VPS13B: variants seen among roughly 807,000 people sequenced by gnomAD.
The protein encoded by VPS13B is vacuolar protein sorting 13 homolog B.
A neutral mutation model predicts 426.4 loss-of-function variants in VPS13B; 285 were observed. The ratio of observed to expected loss-of-function variants is 0.67; its 90% CI spans 0.61 to 0.74. The LOEUF is 0.74. Ranked by LOEUF, VPS13B falls within the 30% of genes least tolerant of loss-of-function variation. The pLI is 0.00. For missense variants in VPS13B, 4,537 were observed against 4,782.6 expected, an observed-to-expected ratio of 0.95 and a Z score of 1.51; for synonymous variants, 1,676 against 1,676.4, an observed-to-expected ratio of 1.00 and a Z score of 0.01.
chr8:99,467,293 T>G, intron 23 of VPS13B, 121 bp from the exon 24 acceptor site: 1 of 1,060,236 alleles, frequency 9.4e-7, no homozygotes, highest in African/African-American at 1.6e-5. Context: ...GAATACTATA[T>G]TCACTTTTTA....
intron 30 of VPS13B, among the ~76,000 whole-genome samples, chr8:99,536,226 G>C (rs1823214002): frequency 6.6e-6 from 1 of 152,134 alleles, no homozygotes; most frequent in Non-Finnish European, 1.5e-5. Flanking sequence ...TGGGATTACA[G>C]ATGCCAGCCA....
chr8:99,425,670 C>T (rs1588363091), intron 21 of VPS13B, among the ~76,000 whole-genome samples: 1 of 152,142 alleles, frequency 6.6e-6, no homozygotes, highest in Non-Finnish European at 1.5e-5. Context: ...CAGGGATGCC[C>T]TCTCTCACCA....
At chr8:99,103,639 A>G (rs1846884546) in intron 5 of VPS13B, among the ~76,000 whole-genome samples, 1 of 151,810 alleles carries the variant, frequency 6.6e-6, no homozygotes, top group Admixed American at 6.6e-5. Flanking sequence ...AGCTGGGACT[A>G]CAGGCACCTG....
At chr8:99,789,342 TGG>T in intron 43 of VPS13B, among the ~76,000 whole-genome samples, 1 of 152,166 alleles carries the variant, frequency 6.6e-6, no homozygotes. Flanking sequence ...AAAGCCGACT[TGG>T]GGGACAAAGA....
At chr8:99,269,143 A>G (rs1370956642) in intron 17 of VPS13B, among the ~76,000 whole-genome samples, 2 of 152,172 alleles carry the variant, frequency 1.3e-5, no homozygotes, top group African/African-American at 4.8e-5. Flanking sequence ...TAAATTACCC[A>G]GTCTCGAGTA....
intron 39 of VPS13B, among the ~76,000 whole-genome samples, chr8:99,746,678 G>A (rs1224874459): frequency 6.6e-6 from 1 of 152,120 alleles, no homozygotes; most frequent in Non-Finnish European, 1.5e-5. Context: ...CAGTTCTGCA[G>A]GTTTGGAGGG....
At chr8:99,760,933 T>G (rs1588690445) in intron 39 of VPS13B, among the ~76,000 whole-genome samples, 1 of 152,222 alleles carries the variant, frequency 6.6e-6, no homozygotes, top group African/African-American at 2.4e-5. Flanking sequence ...GCATAGGTTA[T>G]ATGCAAATAC....
chr8:99,600,735 G>A (rs1444009047), intron 33 of VPS13B, among the ~76,000 whole-genome samples: 2 of 152,156 alleles, frequency 1.3e-5, no homozygotes, highest in African/African-American at 2.4e-5. Flanking sequence ...GAAGCAGAGC[G>A]AGTGCTGGAG....
At chr8:99,751,983 G>T (rs113228087) in intron 39 of VPS13B, among the ~76,000 whole-genome samples, 4,947 of 152,180 alleles carry the variant, frequency 0.033, 115 homozygotes, top group Non-Finnish European at 0.047. Context: ...CAGTAAGCCT[G>T]CCTGCCCTTT....
intron 31 of VPS13B, among the ~76,000 whole-genome samples, chr8:99,574,987 G>T (rs10955218): frequency 0.17 from 26,490 of 151,976 alleles, 2,822 homozygotes; most frequent in East Asian, 0.39. Context: ...AACGTGAGGA[G>T]ACTCTGTCTC....
chr8:99,289,734 A>G (rs1232025253), intron 19 of VPS13B, among the ~76,000 whole-genome samples: 1 of 152,180 alleles, frequency 6.6e-6, no homozygotes, highest in Non-Finnish European at 1.5e-5. Flanking sequence ...TGGAGAGGAA[A>G]GAGTGAAGGA....
intron 3 of VPS13B, among the ~76,000 whole-genome samples, chr8:99,072,284 A>G (rs1844891591): frequency 6.6e-6 from 1 of 152,110 alleles, no homozygotes; most frequent in South Asian, 2.1e-4. Context: ...AGGGCTCCTT[A>G]GTCAGCGCGT....
chr8:99,294,073 A>G (rs530781324), intron 19 of VPS13B, among the ~76,000 whole-genome samples: 1 of 105,654 alleles, frequency 9.5e-6, no homozygotes, highest in African/African-American at 3.9e-5. Flanking sequence ...TCATGCTGCT[A>G]TAAAAACACA....
chr8:99,721,701 C>T (rs1833141399), intron 39 of VPS13B, among the ~76,000 whole-genome samples: 1 of 152,148 alleles, frequency 6.6e-6, no homozygotes, highest in Non-Finnish European at 1.5e-5. Flanking sequence ...TACAACCATC[C>T]ACTCAAAATC....
chr8:99,203,274 C>G (rs1180250721), intron 17 of VPS13B, among the ~76,000 whole-genome samples: 2 of 152,174 alleles, frequency 1.3e-5, no homozygotes, highest in Non-Finnish European at 2.9e-5. Context: ...ACGTGATTAT[C>G]TCAATAGATG....
At chr8:99,475,566 C>A (rs943175038) in intron 24 of VPS13B, among the ~76,000 whole-genome samples, 1 of 152,142 alleles carries the variant, frequency 6.6e-6, no homozygotes, top group African/African-American at 2.4e-5. Flanking sequence ...TATGGTGTTA[C>A]TAAATGTAAT....
intron 2 of VPS13B, among the ~76,000 whole-genome samples, chr8:99,026,716 T>C (rs2132169793): frequency 6.6e-6 from 1 of 152,322 alleles, no homozygotes; most frequent in Admixed American, 6.5e-5. Flanking sequence ...TGTCTCCTTA[T>C]ATAGTTTGTG....
chr8:99,869,490 G>A (rs1307084657), intron 59 of VPS13B, among the ~76,000 whole-genome samples: 1 of 152,118 alleles, frequency 6.6e-6, no homozygotes, highest in Non-Finnish European at 1.5e-5. Context: ...GCCAGCATGT[G>A]TTCCTCTTCG....
chr8:99,332,187 A>G (rs1282279883), intron 19 of VPS13B, among the ~76,000 whole-genome samples: 1 of 151,706 alleles, frequency 6.6e-6, no homozygotes, highest in Admixed American at 6.6e-5. Context: ...AGGTGAACTC[A>G]GTGTAAAGAC....
Sources: gnomAD v4.1 joint callset for allele counts (sites outside exome capture counted in the v4.1 genomes callset) on GRCh38, gnomAD v4.1.1 for gene constraint, MANE v1.5 for transcripts, NCBI Gene and HGNC (gene_info 2026-07-23, HGNC 2026-07-21) for gene names.